SEC24B: variants seen among roughly 807,000 people sequenced by gnomAD.
SEC24B encodes SEC24 homolog B, COPII component.
SEC24B carries 45 observed loss-of-function variants against 142.8 expected under a neutral mutation model. The observed-to-expected ratio is 0.32, with a 90% CI of 0.25 to 0.40. SEC24B has a LOEUF of 0.40. Ranked by LOEUF, SEC24B falls within the 10% of genes least tolerant of loss-of-function variation. The pLI is 1.00. For missense variants in SEC24B, 1,409 were observed against 1,526.8 expected (o/e 0.92, Z 1.29); for synonymous variants, 574 against 568.2 (o/e 1.01, Z -0.15).
intron 1 of SEC24B, among the ~76,000 whole-genome samples, chr4:109,445,175 C>T (rs1049344541): frequency 6.6e-6 from 1 of 151,894 alleles, no homozygotes; most frequent in African/African-American, 2.4e-5. Context: ...TCTGCTGCCT[C>T]AGCCTCCCAA....
intron 4 of SEC24B, among the ~76,000 whole-genome samples, chr4:109,488,000 G>A (rs1734561841): frequency 6.6e-6 from 1 of 151,770 alleles, no homozygotes. Context: ...TCATATATAA[G>A]TAATCTTTTA....
At position 109,481,728 on chromosome 4, in the gene SEC24B, C is replaced by T; in HGVS notation, c.1112C>T (p.Pro371Leu). Residue 371 changes from proline to leucine, a missense_variant, in exon 4 of 24, where the codon CCC becomes CTC. By Grantham distance (98) the Pro-to-Leu change is moderately conservative. This residue lies in a region of SEC24B where 709 missense variants were observed against 673.5 expected (regional missense o/e 1.05). Coordinates refer to ENST00000265175, the MANE Select transcript of SEC24B (RefSeq NM_006323.5). ...AACCAAGCTAGCTCCGCACCAACTC[C>T]CTTGTCATCAACTTCCGATGATGAG... ...VNNQASSAPT[P>L]LSSTSDDEEE... The T allele has an allele frequency of 2.5e-6, 4 of 1,613,862 alleles. No individual in the cohort carries two copies. Among genetic ancestry groups the T allele is most frequent in the Non-Finnish European group, 3.4e-6 (4 of 1,179,806 alleles).
rs1174214721 is a variant in SEC24B at position 109,516,621 on chromosome 4, C to T, written c.2107C>T (p.Leu703Phe). Residue 703 changes from leucine (L) to phenylalanine (F), a missense_variant, in exon 11 of 24, where the codon CTC becomes TTC. By Grantham distance (22) the Leu-to-Phe change is conservative. This residue lies in a region of SEC24B where 700 missense variants were observed against 853.3 expected (regional missense o/e 0.82). Coordinates refer to ENST00000265175, the MANE Select transcript of SEC24B (RefSeq NM_006323.5). The part of the protein sequence containing the change: ...AGYLTILCQS[L>F]LENLDKLPGD... ...ATATTTGACAATTTTGTGCCAGTCA[C>T]TCCTAGAAAATCTAGACAAGTAAGA... 6.2e-7 allele frequency: 1 copy of T among 1,601,762 alleles called. No homozygotes were observed. The highest frequency in any genetic ancestry group is 1.7e-5 in the Admixed American group (1 of 59,926).
At position 109,438,608 on chromosome 4, in the gene SEC24B, G is replaced by T. The variant is rs115923501; in HGVS notation, c.133+4606G>T. ...ATGCCCAGCCTAAAGATCTCTTTCT[G>T]TTAACAGACTCTAAGAAAATTCTTT... On this transcript the variant is annotated intron_variant, in intron 1 of 23. Coordinates refer to ENST00000265175, the MANE Select transcript of SEC24B (RefSeq NM_006323.5). 8.7e-3 allele frequency among the ~76,000 whole-genome samples: 1,326 copies of T among 152,294 alleles called. 24 individuals are homozygous for T. Among genetic ancestry groups the T allele is most frequent in the African/African-American group, 0.03 (1,266 of 41,568 alleles).
chr4:109,484,750 G>A (rs1383860325), intron 4 of SEC24B, among the ~76,000 whole-genome samples: 1 of 151,530 alleles, frequency 6.6e-6, no homozygotes, highest in African/African-American at 2.4e-5. Flanking sequence ...TACTCTGGAC[G>A]CTGAGGCAGG....
intron 1 of SEC24B, among the ~76,000 whole-genome samples, chr4:109,458,853 CTG>C (rs1328759349): frequency 2.7e-5 from 4 of 150,806 alleles, no homozygotes; most frequent in East Asian, 1.9e-4. Flanking sequence ...TTTACAATGA[CTG>C]TATCACATTT....
At chr4:109,443,405 TTA>T (rs970478877) in intron 1 of SEC24B, among the ~76,000 whole-genome samples, 16 of 152,206 alleles carry the variant, frequency 1.1e-4, no homozygotes, top group Non-Finnish European at 1.9e-4. Context: ...ATCCTAACAG[TTA>T]TATATAACTT....
At chr4:109,484,721 G>C (rs995623198) in intron 4 of SEC24B, among the ~76,000 whole-genome samples, 1 of 151,818 alleles carries the variant, frequency 6.6e-6, no homozygotes, top group Non-Finnish European at 1.5e-5. Flanking sequence ...GTGTGGTGGC[G>C]CACACCCATA....
intron 15 of SEC24B, among the ~76,000 whole-genome samples, 183 bp from the exon 16 acceptor site, chr4:109,525,163 A>C (rs1724081228): frequency 6.6e-6 from 1 of 152,072 alleles, no homozygotes; most frequent in Admixed American, 6.5e-5. Flanking sequence ...CATTCTGCTC[A>C]ACAGTAAACT....
At chr4:109,438,522 G>C (rs1728626562) in intron 1 of SEC24B, among the ~76,000 whole-genome samples, 1 of 152,092 alleles carries the variant, frequency 6.6e-6, no homozygotes, top group Non-Finnish European at 1.5e-5. Flanking sequence ...CAAACTCCTG[G>C]CTTCAAGTGA....
rs538794920 is a variant in SEC24B at position 109,538,913 on chromosome 4, T to C, written c.3692+317T>C. ...AATCCTCCCAACTCAGACTCCCGAGTAGCTGGGACTGCAGGCACTTCCCTC... is the reference window on the plus strand; with the variant it reads ...AATCCTCCCAACTCAGACTCCCGAGCAGCTGGGACTGCAGGCACTTCCCTC... On this transcript the variant is annotated intron_variant, in intron 23 of 23. Transcript: ENST00000265175. 4.2e-4 allele frequency among the ~76,000 whole-genome samples: 64 copies of C among 152,124 alleles called. No individual in the cohort carries two copies. In the East Asian group the frequency reaches 0.011, roughly 27 times the overall value.
At chr4:109,514,418 G>T (rs890198221) in intron 10 of SEC24B, among the ~76,000 whole-genome samples, 2 of 152,120 alleles carry the variant, frequency 1.3e-5, no homozygotes, top group African/African-American at 4.8e-5. Flanking sequence ...AACTGTATTG[G>T]CTGGGTGTGG....
At chr4:109,458,581 G>T (rs1730939543) in intron 1 of SEC24B, among the ~76,000 whole-genome samples, 1 of 152,124 alleles carries the variant, frequency 6.6e-6, no homozygotes, top group African/African-American at 2.4e-5. Flanking sequence ...AACCTAAATG[G>T]CAGATAGAAA....
chr4:109,467,199 G>A lies in SEC24B; in HGVS notation c.877+3555G>A, dbSNP rs563312929. Among the ~76,000 whole-genome samples the A allele has an allele frequency of 2.6e-5, 4 of 151,336 alleles. 1 individual carries two copies. Among genetic ancestry groups the A allele is most frequent in the South Asian group, 2.1e-4 (1 of 4,768 alleles). On this transcript the variant is annotated intron_variant, in intron 2 of 23. Coordinates refer to ENST00000265175, the MANE Select transcript of SEC24B (RefSeq NM_006323.5). ...AAATTAGCCGGGCGTGGTAGCGGGC[G>A]CCTGTAGTCCCAGCTACTCGGGAGG...
In SEC24B at chr4:109,473,061, C is replaced by T; in HGVS notation, c.935C>T (p.Pro312Leu). 6.2e-7 allele frequency: 1 copy of T among 1,603,060 alleles called. No individual in the cohort carries two copies. The highest frequency in any genetic ancestry group is 8.5e-7 in the Non-Finnish European group (1 of 1,174,834). ...MQNVQPPKSS[P>L]VVSTVLSGSS... ...AATGTTCAGCCTCCCAAGTCCAGCC[C>T]AGTGGTATCCACTGTTTTATCAGGA... is the stretch of plus-strand genomic sequence containing the variant. The change falls in exon 3 of 24, where the codon CCA (proline) becomes CTA (leucine). Residue 312 changes from proline to leucine, a missense_variant. Physicochemically the swap from Pro to Leu is moderately conservative, Grantham distance 98. Around this residue, in one of 2 missense-constraint regions of SEC24B, gnomAD observed 709 missense variants for 673.5 expected, o/e 1.05. Transcript: ENST00000265175.
Position 109,509,946 on chromosome 4 carries a change from A to G in SEC24B, c.1674-63A>G, listed in dbSNP as rs1198294357. 4.2e-6 allele frequency: 4 copies of G among 958,912 alleles called. No homozygotes were observed. In the African/African-American group the frequency reaches 5.0e-5, roughly 12 times the overall value. 59.4% of individuals were successfully genotyped at this position (958,912 alleles called of 1,614,324 possible). ...GTCCTTAAATGTTCTTAGTTATCTT[A>G]TCTACTTCAGTGTATTTTTCTCTGA... is the stretch of plus-strand genomic sequence containing the variant. On this transcript the variant is annotated intron_variant, in intron 7 of 23. Transcript: ENST00000265175.
At chr4:109,437,349 T>G (rs1728499566) in intron 1 of SEC24B, among the ~76,000 whole-genome samples, 1 of 152,026 alleles carries the variant, frequency 6.6e-6, no homozygotes, top group Admixed American at 6.6e-5. Context: ...AGTGACTCCA[T>G]CATAGCTAAC....
intron 6 of SEC24B, among the ~76,000 whole-genome samples, chr4:109,498,845 A>G (rs1300819445): frequency 1.3e-5 from 2 of 152,198 alleles, no homozygotes; most frequent in Non-Finnish European, 2.9e-5. Flanking sequence ...AAGTAGTGGG[A>G]AACCCTAACA....
chr4:109,452,793 A>G (rs980864912), intron 1 of SEC24B, among the ~76,000 whole-genome samples: 1 of 152,072 alleles, frequency 6.6e-6, no homozygotes, highest in African/African-American at 2.4e-5. Context: ...CAAGTTTTTT[A>G]TTGAGTATCT....
Sources: gnomAD v4.1 joint callset for allele counts (sites outside exome capture counted in the v4.1 genomes callset) on GRCh38, gnomAD v4.1.1 for gene constraint, gnomAD v4.1.1 regional missense constraint, MANE v1.5 for transcripts, NCBI Gene and HGNC (gene_info 2026-07-23, HGNC 2026-07-21) for gene names.